The following RAD51B variants were observed in gnomAD, a reference collection of about 807,000 sequenced individuals.
The protein encoded by RAD51B is DNA repair protein RAD51 homolog 2.
RAD51B carries 38 observed loss-of-function variants against 42.2 expected under a neutral mutation model. That is an observed-to-expected ratio of 0.90 (90% confidence interval 0.70 to 1.18). The LOEUF (loss-of-function observed/expected upper bound fraction) is 1.18. Ranked by LOEUF, RAD51B falls within the 50% of genes most tolerant of loss-of-function variation. The pLI, the probability that RAD51B is intolerant of heterozygous loss-of-function variation, is 0.00. For missense variants in RAD51B, 373 were observed against 400.7 expected (o/e 0.93, Z 0.59); for synonymous variants, 154 against 145.2 (o/e 1.06, Z -0.43).
chr14:67,906,842 T>A (rs1360686726), intron 7 of RAD51B, among the ~76,000 whole-genome samples: 1 of 151,854 alleles, frequency 6.6e-6, no homozygotes, highest in Non-Finnish European at 1.5e-5. Context: ...GAAATTTCAG[T>A]CTTGTTGCCC....
intron 8 of RAD51B, among the ~76,000 whole-genome samples, chr14:68,326,866 T>C (rs916586865): frequency 6.6e-6 from 1 of 152,214 alleles, no homozygotes; most frequent in African/African-American, 2.4e-5. Context: ...GGCTGGTTTC[T>C]GGAAGCAAGG....
At chr14:68,024,715 C>T (rs2075924046) in intron 7 of RAD51B, among the ~76,000 whole-genome samples, 1 of 151,992 alleles carries the variant, frequency 6.6e-6, no homozygotes, top group African/African-American at 2.4e-5. Flanking sequence ...TTTTCTAAAA[C>T]TGTTTATTAG....
At chr14:68,220,351 ATAAAAT>A (rs76256766) in intron 7 of RAD51B, among the ~76,000 whole-genome samples, 1 of 152,110 alleles carries the variant, frequency 6.6e-6, no homozygotes, top group East Asian at 1.9e-4. Flanking sequence ...ATAAACAGAA[ATAAAAT>A]TAAAAATCAC....
chr14:68,535,297 C>T (rs1462074677), intron 10 of RAD51B, among the ~76,000 whole-genome samples: 3 of 152,176 alleles, frequency 2.0e-5, no homozygotes, highest in African/African-American at 7.2e-5. Flanking sequence ...TTTGCTGCCT[C>T]TAATGTCCTA....
chr14:67,896,151 G>A (rs1342786359), intron 7 of RAD51B, among the ~76,000 whole-genome samples: 1 of 152,058 alleles, frequency 6.6e-6, no homozygotes, highest in African/African-American at 2.4e-5. Context: ...ATATTGAGTA[G>A]GTGTCCAATA....
At chr14:68,077,609 A>G (rs991163267) in intron 7 of RAD51B, among the ~76,000 whole-genome samples, 1 of 152,198 alleles carries the variant, frequency 6.6e-6, no homozygotes, top group East Asian at 1.9e-4. Flanking sequence ...GTTCTCCCCA[A>G]ACAAACAAAA....
chr14:68,676,465 G>T (rs1041909234), intron 11 of RAD51B, among the ~76,000 whole-genome samples: 1 of 152,238 alleles, frequency 6.6e-6, no homozygotes, highest in Non-Finnish European at 1.5e-5. Flanking sequence ...TAGGAGATTT[G>T]CTAGAAGGCA....
At chr14:68,393,418 G>A (rs974298321) in intron 8 of RAD51B, among the ~76,000 whole-genome samples, 2 of 152,214 alleles carry the variant, frequency 1.3e-5, no homozygotes, top group African/African-American at 4.8e-5. Context: ...TTCTCATACT[G>A]AGGCTGTGTT....
chr14:68,115,545 A>T (rs9671240), intron 7 of RAD51B, among the ~76,000 whole-genome samples: 214 of 138,480 alleles, frequency 1.5e-3, no homozygotes, highest in African/African-American at 6.2e-3. Flanking sequence ...TAAAGTATAA[A>T]AAAAAAAAAA....
At chr14:67,830,626 C>T (rs2041003715) in intron 3 of RAD51B, among the ~76,000 whole-genome samples, 1 of 151,942 alleles carries the variant, frequency 6.6e-6, no homozygotes, top group Admixed American at 6.6e-5. Context: ...TCTCAAACTG[C>T]TGGCCTCAAG....
At chr14:68,497,069 C>CCTA in intron 10 of RAD51B, 1 of 1,328,402 alleles carries the variant, frequency 7.5e-7, no homozygotes, top group Non-Finnish European at 1.0e-6. Flanking sequence ...TTTATGCAAG[C>CCTA]CTTCAACATC....
rs186180090 is a variant in RAD51B, at chr14:67,956,734, C to G, written c.756+69530C>G. 3.0e-3 allele frequency among the ~76,000 whole-genome samples: 455 copies of G among 152,194 alleles called. 2 individuals carry two copies. The highest frequency in any genetic ancestry group is 3.3e-3 in the Non-Finnish European group (223 of 67,998). ...CTATTGTAACTAAGAGTTGCACTGT[C>G]CAATATGTTAACCACTAACTGTATG... On this transcript the variant is annotated intron_variant, in intron 7 of 10. Coordinates refer to ENST00000471583, the MANE Select transcript of RAD51B (RefSeq NM_133510.4).
chr14:67,993,490 C>T (rs1300372225), intron 7 of RAD51B, among the ~76,000 whole-genome samples: 1 of 152,158 alleles, frequency 6.6e-6, no homozygotes, highest in African/African-American at 2.4e-5. Context: ...TAATGACCAC[C>T]AGTTCCATTT....
At chr14:68,586,985 C>A (rs576541795) in intron 10 of RAD51B, among the ~76,000 whole-genome samples, 59 of 151,674 alleles carry the variant, frequency 3.9e-4, no homozygotes, top group African/African-American at 1.4e-3. Context: ...GCCGAGATCG[C>A]GCCATTGTAC....
intron 10 of RAD51B, among the ~76,000 whole-genome samples, chr14:68,637,807 T>C (rs537447303): frequency 7.9e-5 from 12 of 152,004 alleles, no homozygotes; most frequent in African/African-American, 2.9e-4. Flanking sequence ...CCTCTTCACA[T>C]ACACACACAC....
chr14:68,365,809 T>A (rs373957627), intron 8 of RAD51B, among the ~76,000 whole-genome samples: 2 of 152,234 alleles, frequency 1.3e-5, no homozygotes, highest in African/African-American at 4.8e-5. Context: ...GTTTACAAAT[T>A]TTGTTATGTC....
intron 7 of RAD51B, among the ~76,000 whole-genome samples, chr14:68,266,915 G>A (rs6573823): frequency 0.26 from 40,085 of 152,120 alleles, 6,317 homozygotes; most frequent in Non-Finnish European, 0.37. Context: ...ACAAATATCA[G>A]CACACCAATT....
At position 67,988,690 on chromosome 14, in the gene RAD51B, A is replaced by T. The variant is rs190227208; in HGVS notation, c.756+101486A>T. ...CAGGAAGAGGCACTGTGATTCACTG[A>T]ATTGTGTGAATTAAAGGCATGATCA... is the stretch of plus-strand genomic sequence containing the variant. On this transcript the variant is annotated intron_variant, in intron 7 of 10. Coordinates refer to ENST00000471583, the MANE Select transcript of RAD51B (RefSeq NM_133510.4). Among the ~76,000 whole-genome samples the T allele has an allele frequency of 1.6e-4, 24 of 152,288 alleles. 1 individual carries two copies. The East Asian group carries it at 4.6e-3, about 29-fold the overall frequency.
chr14:68,150,949 A>T (rs2140772595), intron 7 of RAD51B, among the ~76,000 whole-genome samples: 1 of 152,102 alleles, frequency 6.6e-6, no homozygotes, highest in East Asian at 1.9e-4. Context: ...TATCTGTAAA[A>T]TATATTTTGA....
Sources: allele counts gnomAD v4.1 joint callset (sites outside exome capture counted in the v4.1 genomes callset), GRCh38; gene constraint gnomAD v4.1.1; transcripts MANE v1.5; gene names NCBI Gene and HGNC (gene_info 2026-07-23, HGNC 2026-07-21).